The following TTC39A variants were observed in gnomAD, a reference collection of about 807,000 sequenced individuals.
TTC39A encodes tetratricopeptide repeat protein 39A.
A neutral mutation model predicts 82.3 loss-of-function variants in TTC39A; 46 were observed. The observed-to-expected ratio is 0.56, with a 90% CI of 0.44 to 0.71. The LOEUF (loss-of-function observed/expected upper bound fraction) is 0.71. TTC39A is among the 30% of genes least tolerant of loss of function. The pLI, the probability that TTC39A is intolerant of heterozygous loss-of-function variation, is 0.00. For missense variants in TTC39A, 543 were observed against 712.9 expected (o/e 0.76, Z 2.71); for synonymous variants, 254 against 275.2 (o/e 0.92, Z 0.76).
intron 1 of TTC39A, among the ~76,000 whole-genome samples, chr1:51,326,493 G>A (rs1236475332): frequency 2.6e-5 from 4 of 152,082 alleles, no homozygotes; most frequent in African/African-American, 7.2e-5. Flanking sequence ...GGAGACATCC[G>A]CCCCATTTGA....
At chr1:51,338,654 G>C (rs1459526860) in intron 1 of TTC39A, among the ~76,000 whole-genome samples, 1 of 145,132 alleles carries the variant, frequency 6.9e-6, no homozygotes, top group African/African-American at 2.6e-5. Context: ...TCCAAGCTGA[G>C]CGTAGTGGTA....
intron 2 of TTC39A, among the ~76,000 whole-genome samples, chr1:51,313,856 A>T (rs1038729973): frequency 2.3e-4 from 35 of 152,328 alleles, no homozygotes; most frequent in African/African-American, 8.4e-4. Context: ...TAATTTTTTT[A>T]AAAAAGAAAG....
intron 1 of TTC39A, chr1:51,344,853 G>T: frequency 8.9e-7 from 1 of 1,127,468 alleles, no homozygotes; most frequent in Non-Finnish European, 1.2e-6. Context: ...CGGGCCTCCG[G>T]CCGACCCCCA....
rs566182685 is a variant in TTC39A, at chr1:51,302,943, G to C, written c.763+141C>G. 1.3e-5 allele frequency: 10 copies of C among 759,360 alleles called. No homozygotes were observed. In the East Asian group the frequency reaches 2.7e-4, roughly 20 times the overall value. The allele number at this position is 759,360 out of a possible 1,614,324, so 47.0% of individuals were successfully genotyped here. A position where few individuals can be genotyped will look rare whatever the true frequency, so the allele number is the denominator to read the frequency against. ...GTGGGCGTCAGCAGGCCAGTCCCCA[G>C]GACAGTGGATGTGGCTCTGTTTCTG... On this transcript the variant is annotated intron_variant, in intron 9 of 17. Coordinates refer to ENST00000680483, the MANE Select transcript of TTC39A (RefSeq NM_001297663.2).
Position 51,321,729 on chromosome 1 carries a change from G to C in TTC39A, c.138C>G (p.Leu46=). The C allele has an allele frequency of 1.2e-6, 2 of 1,613,890 alleles. No homozygotes were observed. The highest frequency in any genetic ancestry group is 1.7e-6 in the Non-Finnish European group (2 of 1,179,854). The change falls in exon 2 of 18, where the codon CTC becomes CTG. Residue 46 remains leucine (L), a synonymous_variant. Transcript: ENST00000680483. The surrounding 1 kb of genome is among the most constrained non-coding windows in gnomAD (Gnocchi z 4.6). ...CGGGGCTTGAGCCTCACCTGGGCTT[G>C]AGGTAGCTGAGTGCTTCTGAGAACT... ...TNQFSEALSY[L]KPRTKESMYH...
intron 1 of TTC39A, among the ~76,000 whole-genome samples, chr1:51,339,674 A>G (rs940201783): frequency 6.6e-6 from 1 of 152,188 alleles, no homozygotes; most frequent in Non-Finnish European, 1.5e-5. Flanking sequence ...CTATAATCCC[A>G]GCACTTTGGG....
chr1:51,327,715 T>A (rs927493605), intron 1 of TTC39A, among the ~76,000 whole-genome samples: 1 of 151,684 alleles, frequency 6.6e-6, no homozygotes, highest in Non-Finnish European at 1.5e-5. Flanking sequence ...TTTTTTTTTT[T>A]TGAGAGAGGC....
chr1:51,310,901 C>T (rs1351662554), intron 5 of TTC39A, among the ~76,000 whole-genome samples: 2 of 152,218 alleles, frequency 1.3e-5, no homozygotes, highest in Non-Finnish European at 2.9e-5. Context: ...AAGTCTGGTA[C>T]ATCATAGGTG....
At chr1:51,344,854 C>A in intron 1 of TTC39A, 1 of 1,133,458 alleles carries the variant, frequency 8.8e-7, no homozygotes. Flanking sequence ...GGGCCTCCGG[C>A]CGACCCCCAC....
At chr1:51,293,382 A>G (rs1644294663) in intron 14 of TTC39A, among the ~76,000 whole-genome samples, 1 of 152,114 alleles carries the variant, frequency 6.6e-6, no homozygotes, top group Non-Finnish European at 1.5e-5. Flanking sequence ...TATATTTTAA[A>G]CCATAAAATA....
Position 51,316,081 on chromosome 1 carries a change from G to A in TTC39A, c.147-3138C>T, listed in dbSNP as rs146267810. Among the ~76,000 whole-genome samples the A allele has an allele frequency of 3.6e-4, 55 of 152,192 alleles. 3 individuals are homozygous for A. Among genetic ancestry groups the A allele is most frequent in the African/African-American group, 1.2e-3 (51 of 41,524 alleles). ...CCACAGGAAATGGGGTCCCTGGGTCGTTCTCGGCACCCCTTATTGCTTGTT... is the reference window on the plus strand; with the variant it reads ...CCACAGGAAATGGGGTCCCTGGGTCATTCTCGGCACCCCTTATTGCTTGTT... On this transcript the variant is annotated intron_variant, in intron 2 of 17. Transcript: ENST00000680483.
intron 6 of TTC39A, among the ~76,000 whole-genome samples, chr1:51,307,808 C>G (rs183821483): frequency 8.0e-5 from 12 of 149,630 alleles, no homozygotes; most frequent in African/African-American, 2.9e-4. Context: ...GATAAATATA[C>G]ATATCATGAA....
chr1:51,318,913 G>A (rs1645392202), intron 2 of TTC39A, among the ~76,000 whole-genome samples: 1 of 152,102 alleles, frequency 6.6e-6, no homozygotes, highest in Non-Finnish European at 1.5e-5. Context: ...TCTTAAACAG[G>A]ACTAGACAGA....
At chr1:51,290,729 C>T in intron 14 of TTC39A, 104 bp from the exon 15 acceptor site, 1 of 845,430 alleles carries the variant, frequency 1.2e-6, no homozygotes, top group Non-Finnish European at 1.9e-6. Context: ...ACTAAAGGAC[C>T]TTCTAGCTCT....
intron 2 of TTC39A, among the ~76,000 whole-genome samples, chr1:51,319,435 C>T (rs957573822): frequency 6.6e-6 from 1 of 152,156 alleles, no homozygotes; most frequent in African/African-American, 2.4e-5. Flanking sequence ...AACCATCGTA[C>T]AAGAGCACTT....
chr1:51,329,575 C>A (rs1645830564), intron 1 of TTC39A: 1 of 152,508 alleles, frequency 6.6e-6, no homozygotes, highest in Non-Finnish European at 1.5e-5. Context: ...CGTCACCTCC[C>A]TGTTCATGTG....
chr1:51,291,628 CAAAAA>C (rs58825279), intron 14 of TTC39A, among the ~76,000 whole-genome samples: 1 of 49,952 alleles, frequency 2.0e-5, no homozygotes, highest in Admixed American at 2.5e-4. Flanking sequence ...CCATCTCCAC[CAAAAA>C]AAAAAAAAAA....
chr1:51,327,293 A>G (rs947584516), intron 1 of TTC39A, among the ~76,000 whole-genome samples: 7 of 152,234 alleles, frequency 4.6e-5, no homozygotes, highest in Non-Finnish European at 7.3e-5. Context: ...CTGCTCCACC[A>G]CTGAGGGGAA....
At chr1:51,315,121 C>A (rs1050600091) in intron 2 of TTC39A, among the ~76,000 whole-genome samples, 3 of 152,286 alleles carry the variant, frequency 2.0e-5, no homozygotes, top group South Asian at 2.1e-4. Flanking sequence ...ACCTGCCCAG[C>A]CCCACCTGTG....
Sources: gnomAD v4.1 joint callset for allele counts (sites outside exome capture counted in the v4.1 genomes callset) on GRCh38, gnomAD v4.1.1 for gene constraint, Gnocchi (gnomAD v3.1) non-coding constraint, MANE v1.5 for transcripts, NCBI Gene and HGNC (gene_info 2026-07-23, HGNC 2026-07-21) for gene names.